The following TTC28 variants were observed in gnomAD, a reference collection of about 807,000 sequenced individuals.
TTC28 encodes tetratricopeptide repeat domain 28, also known as tetratricopeptide repeat protein 28.
Under a neutral mutation model 198.0 loss-of-function variants are expected in TTC28, and 61 were observed. The observed-to-expected ratio is 0.31, with a 90% CI of 0.25 to 0.38. The LOEUF (loss-of-function observed/expected upper bound fraction) is 0.38. Ranked by LOEUF, TTC28 falls within the 10% of genes least tolerant of loss-of-function variation. TTC28 has a pLI of 1.00. For synonymous variants in TTC28, 1,171 were observed against 1,297.8 expected, an observed-to-expected ratio of 0.90 and a Z score of 2.10; for missense variants, 2,678 against 3,164.0, an observed-to-expected ratio of 0.85 and a Z score of 3.69.
intron 6 of TTC28, among the ~76,000 whole-genome samples, chr22:28,121,492 T>C (rs1942785610): frequency 6.6e-6 from 1 of 152,240 alleles, no homozygotes; most frequent in South Asian, 2.1e-4. Context: ...ATATCACTAG[T>C]CTCAAGACCT....
intron 2 of TTC28, among the ~76,000 whole-genome samples, chr22:28,521,230 C>T: frequency 6.6e-6 from 1 of 151,530 alleles, no homozygotes; most frequent in Non-Finnish European, 1.5e-5. Flanking sequence ...AAGATCCTAT[C>T]TCTACCAAAA....
Position 28,557,486 on chromosome 22 carries a change from A to G in TTC28, c.381+72066T>C, listed in dbSNP as rs115747596. ...TTTTATTCCAACAACTACATTTTTCATGTACAGACATTCTATTTGGTACAT... is the reference window on the plus strand; with the variant it reads ...TTTTATTCCAACAACTACATTTTTCGTGTACAGACATTCTATTTGGTACAT... On this transcript the variant is annotated intron_variant, in intron 2 of 22. Coordinates refer to ENST00000397906, the MANE Select transcript of TTC28 (RefSeq NM_001145418.2). Among the ~76,000 whole-genome samples, 877 of 152,290 alleles carry G rather than the reference A, an allele frequency of 5.8e-3. 8 individuals are homozygous for G. The highest frequency in any genetic ancestry group is 0.02 in the African/African-American group (851 of 41,556).
chr22:28,562,732 C>G (rs1324694029), intron 2 of TTC28, among the ~76,000 whole-genome samples: 1 of 152,192 alleles, frequency 6.6e-6, no homozygotes, highest in African/African-American at 2.4e-5. Flanking sequence ...GCTCACAAAT[C>G]TTACCATCAA....
intron 5 of TTC28, among the ~76,000 whole-genome samples, chr22:28,226,989 AATCATAGCTCACTGTAACC>A (rs1475605626): frequency 6.6e-6 from 1 of 152,114 alleles, no homozygotes; most frequent in Non-Finnish European, 1.5e-5. Flanking sequence ...GCAGTAGAGC[AATCATAGCTCACTGTAACC>A]TCAAACTCCT....
intron 2 of TTC28, among the ~76,000 whole-genome samples, chr22:28,453,945 C>A (rs1184664928): frequency 1.3e-5 from 2 of 152,204 alleles, no homozygotes; most frequent in African/African-American, 4.8e-5. Flanking sequence ...CTACTTTTCA[C>A]CCTCATTTTT....
chr22:28,672,725 T>C (rs2051909438), intron 1 of TTC28, among the ~76,000 whole-genome samples: 1 of 152,202 alleles, frequency 6.6e-6, no homozygotes, highest in African/African-American at 2.4e-5. Flanking sequence ...AAAGTCATAT[T>C]TGGAGAACTG....
chr22:27,983,031 A>C lies in TTC28; in HGVS notation c.6636T>G (p.Ser2212Arg), dbSNP rs1359895389. 2.6e-6 allele frequency: 4 copies of C among 1,551,476 alleles called. No homozygotes were observed. In the African/African-American group the frequency reaches 5.5e-5, roughly 21 times the overall value. ...STAVFRASET[S>R]AFSRPVLSHQ... ...GGGAGAGAACAGGCCTGCTGAACGC[A>C]CTGGTTTCTGACGCTCTGAAGACAG... The change falls in exon 23 of 23, where the codon AGT (serine) becomes AGG (arginine). Residue 2212 changes from serine to arginine, a missense_variant. Physicochemically the swap from Ser to Arg is moderately radical, Grantham distance 110. This residue lies in a region of TTC28 where 622 missense variants were observed against 656.0 expected (regional missense o/e 0.95). Coordinates refer to ENST00000397906, the MANE Select transcript of TTC28 (RefSeq NM_001145418.2).
At chr22:28,084,138 C>T (rs1030747247) in intron 12 of TTC28, among the ~76,000 whole-genome samples, 4 of 152,212 alleles carry the variant, frequency 2.6e-5, no homozygotes, top group African/African-American at 4.8e-5. Flanking sequence ...TTAAATGTCC[C>T]GGTCTGACAG....
chr22:28,230,342 G>C (rs1168676072), intron 5 of TTC28, among the ~76,000 whole-genome samples: 1 of 152,190 alleles, frequency 6.6e-6, no homozygotes, highest in African/African-American at 2.4e-5. Context: ...AGAGAGATCT[G>C]TTGGCTGTAA....
intron 12 of TTC28, among the ~76,000 whole-genome samples, chr22:28,059,850 T>C (rs1940442132): frequency 6.6e-6 from 1 of 151,936 alleles, no homozygotes; most frequent in African/African-American, 2.4e-5. Context: ...TAAATTAATA[T>C]TTAATCTGAC....
At chr22:28,125,231 T>C (rs560737687) in intron 6 of TTC28, among the ~76,000 whole-genome samples, 110 of 152,244 alleles carry the variant, frequency 7.2e-4, no homozygotes, top group Non-Finnish European at 1.2e-3. Flanking sequence ...ACTGTTGGTA[T>C]GAACCTGTTT....
At chr22:28,126,455 T>C (rs2146952600) in intron 6 of TTC28, among the ~76,000 whole-genome samples, 1 of 152,314 alleles carries the variant, frequency 6.6e-6, no homozygotes, top group Middle Eastern at 3.4e-3. Flanking sequence ...ACAGAGTGAC[T>C]CTAGTCTAAG....
At chr22:28,581,037 T>G (rs544097343) in intron 2 of TTC28, among the ~76,000 whole-genome samples, 7 of 152,340 alleles carry the variant, frequency 4.6e-5, no homozygotes, top group Admixed American at 3.9e-4. Flanking sequence ...CAATATGGTT[T>G]GGATTTGTGT....
chr22:28,237,893 G>A (rs1213517857), intron 5 of TTC28, among the ~76,000 whole-genome samples: 3 of 152,166 alleles, frequency 2.0e-5, no homozygotes, highest in Admixed American at 1.3e-4. Context: ...TCTGGGGGGA[G>A]AGTTTTTCTT....
At chr22:28,355,336 G>A (rs905870922) in intron 2 of TTC28, among the ~76,000 whole-genome samples, 12 of 151,836 alleles carry the variant, frequency 7.9e-5, no homozygotes, top group African/African-American at 2.2e-4. Flanking sequence ...GCTTTATTTC[G>A]GTGTTAATCC....
At chr22:28,567,804 G>A (rs1415128013) in intron 2 of TTC28, among the ~76,000 whole-genome samples, 4 of 151,674 alleles carry the variant, frequency 2.6e-5, no homozygotes, top group African/African-American at 9.7e-5. Context: ...ATAGGCAAAG[G>A]GAATTTTCAG....
intron 2 of TTC28, among the ~76,000 whole-genome samples, chr22:28,338,519 T>C (rs972500554): frequency 6.6e-6 from 1 of 152,210 alleles, no homozygotes; most frequent in Admixed American, 6.5e-5. Flanking sequence ...CCCATATTTC[T>C]TGGAGGCTTT....
intron 2 of TTC28, among the ~76,000 whole-genome samples, chr22:28,338,188 T>C (rs188907233): frequency 1.2e-4 from 18 of 152,358 alleles, no homozygotes; most frequent in Admixed American, 8.5e-4. Flanking sequence ...TTCTGGCTTG[T>C]AGAGTTTCTG....
intron 5 of TTC28, among the ~76,000 whole-genome samples, chr22:28,285,437 T>C (rs1314502083): frequency 6.6e-6 from 1 of 152,142 alleles, no homozygotes; most frequent in East Asian, 1.9e-4. Flanking sequence ...GTTGGTCAAA[T>C]AGTACAAACC....
Sources: allele counts gnomAD v4.1 joint callset (sites outside exome capture counted in the v4.1 genomes callset), GRCh38; gene constraint gnomAD v4.1.1; regional missense constraint gnomAD v4.1.1; transcripts MANE v1.5; gene names NCBI Gene and HGNC (gene_info 2026-07-23, HGNC 2026-07-21).